Variants in ARHGEF26 observed in about 807,000 individuals in gnomAD.
The protein encoded by ARHGEF26 is Rho guanine nucleotide exchange factor (GEF) 26.
Under a neutral mutation model 89.4 loss-of-function variants are expected in ARHGEF26, and 59 were observed. The ratio of observed to expected loss-of-function variants is 0.66; its 90% CI spans 0.54 to 0.82. The LOEUF (loss-of-function observed/expected upper bound fraction) is 0.82, where lower values mean the gene tolerates loss of function less well. ARHGEF26 is among the 40% of genes least tolerant of loss of function. The pLI is 0.00. For synonymous variants in ARHGEF26, 500 were observed against 428.4 expected (o/e 1.17, Z -2.06); for missense variants, 1,234 against 1,085.6 (o/e 1.14, Z -1.92).
intron 9 of ARHGEF26, among the ~76,000 whole-genome samples, chr3:154,216,113 C>G (rs901298407): frequency 6.6e-6 from 1 of 151,918 alleles, no homozygotes; most frequent in African/African-American, 2.4e-5. Flanking sequence ...TTATTTACTT[C>G]TATATTATAG....
chr3:154,187,878 A>G (rs772383155), intron 7 of ARHGEF26, 41 bp downstream of exon 7: 3 of 1,543,690 alleles, frequency 1.9e-6, no homozygotes, highest in Middle Eastern at 1.7e-4. Flanking sequence ...CATCTAACCT[A>G]GTTTTAATTA....
At chr3:154,173,591 A>C (rs776888763) in intron 6 of ARHGEF26, among the ~76,000 whole-genome samples, 22 of 152,192 alleles carry the variant, frequency 1.4e-4, no homozygotes, top group Admixed American at 7.2e-4. Context: ...TTAATGTTTA[A>C]TGTTTTATAG....
chr3:154,135,717 A>G (rs1328587000), intron 4 of ARHGEF26, among the ~76,000 whole-genome samples: 1 of 152,212 alleles, frequency 6.6e-6, no homozygotes, highest in East Asian at 1.9e-4. Flanking sequence ...AACACTGTGT[A>G]CTTGTTACAG....
chr3:154,256,565 A>C lies in ARHGEF26; in HGVS notation c.*1092A>C, dbSNP rs1718518717. 1.4e-5 allele frequency: 14 copies of C among 999,772 alleles called. No homozygotes were observed. Among genetic ancestry groups the C allele is most frequent in the Admixed American group, 1.2e-4 (2 of 16,576 alleles). 61.9% of individuals were successfully genotyped at this position (999,772 alleles called of 1,614,324 possible). On this transcript the variant is annotated 3_prime_UTR_variant, in exon 15 of 15. Transcript: ENST00000465093. Reference sequence around the variant, plus strand: ...TAATTAATTAAAAAAAAAAAAAAAAAAAAAAAAAAACCTTCCCAAATGAGC... The same window carrying C: ...TAATTAATTAAAAAAAAAAAAAAAACAAAAAAAAAACCTTCCCAAATGAGC...
intron 11 of ARHGEF26, among the ~76,000 whole-genome samples, chr3:154,237,538 TCACACACACACACACACA>T (rs71152796): frequency 1.4e-5 from 2 of 143,202 alleles, no homozygotes; most frequent in Admixed American, 1.4e-4. Context: ...TGAGACTCCG[TCACACACACACACACACA>T]CACACACACA....
At chr3:154,198,382 TA>T (rs1714413308) in intron 9 of ARHGEF26, among the ~76,000 whole-genome samples, 3 of 152,328 alleles carry the variant, frequency 2.0e-5, no homozygotes, top group Admixed American at 2.0e-4. Flanking sequence ...ACTGGATATC[TA>T]CCCAAAAGAA....
chr3:154,152,699 C>A, intron 5 of ARHGEF26, 73 bp from the exon 6 acceptor site: 2 of 1,170,292 alleles, frequency 1.7e-6, no homozygotes, highest in South Asian at 2.8e-5. Flanking sequence ...ATTCTTACAG[C>A]AAAATTATGA....
At chr3:154,192,975 C>CT (rs1242195710) in intron 8 of ARHGEF26, among the ~76,000 whole-genome samples, 1 of 152,146 alleles carries the variant, frequency 6.6e-6, no homozygotes, top group Non-Finnish European at 1.5e-5. Context: ...ACTCTAAAAT[C>CT]TAACACATTA....
At chr3:154,242,628 G>A (rs1410882472) in intron 12 of ARHGEF26, among the ~76,000 whole-genome samples, 1 of 152,200 alleles carries the variant, frequency 6.6e-6, no homozygotes, top group African/African-American at 2.4e-5. Flanking sequence ...CAGTGGCAAA[G>A]TTTGAGACGA....
intron 6 of ARHGEF26, among the ~76,000 whole-genome samples, chr3:154,185,144 T>G (rs1395029706): frequency 6.6e-6 from 1 of 152,176 alleles, no homozygotes; most frequent in Non-Finnish European, 1.5e-5. Context: ...CTCACCATAC[T>G]TCTGACACCA....
In ARHGEF26 at chr3:154,218,057, A is replaced by C. The variant is rs1027576392; in HGVS notation, c.1935+99A>C. The stretch of plus-strand genomic sequence containing the variant: ...CAAAGTAGATAGGAAATTGCTTTTC[A>C]AAGAAGGGTCATAAATTGCTAAGAG... On this transcript the variant is annotated intron_variant, in intron 10 of 14. Transcript: ENST00000465093. 3.6e-6 allele frequency: 4 copies of C among 1,116,784 alleles called. No homozygotes were observed. The Admixed American group carries it at 6.5e-5, about 18-fold the overall frequency. 69.2% of individuals were successfully genotyped at this position (1,116,784 alleles called of 1,614,324 possible).
At chr3:154,219,807 G>A (rs961856251) in intron 10 of ARHGEF26, among the ~76,000 whole-genome samples, 7 of 152,022 alleles carry the variant, frequency 4.6e-5, no homozygotes, top group Admixed American at 6.5e-5. Flanking sequence ...CCAGCTACTC[G>A]GGAGGCTGAG....
chr3:154,178,942 T>G (rs1454054993), intron 6 of ARHGEF26, among the ~76,000 whole-genome samples: 1 of 152,208 alleles, frequency 6.6e-6, no homozygotes, highest in East Asian at 1.9e-4. Context: ...GAAACCCTAG[T>G]GGTTCTCTTG....
At chr3:154,205,232 A>G (rs907897885) in intron 9 of ARHGEF26, among the ~76,000 whole-genome samples, 1 of 152,060 alleles carries the variant, frequency 6.6e-6, no homozygotes, top group Non-Finnish European at 1.5e-5. Flanking sequence ...CTCTTGCTGA[A>G]TTGACCTCAT....
At chr3:154,144,025 G>A (rs1280142814) in intron 4 of ARHGEF26, among the ~76,000 whole-genome samples, 1 of 152,202 alleles carries the variant, frequency 6.6e-6, no homozygotes, top group East Asian at 1.9e-4. Context: ...TGGTAGAAAT[G>A]TCAGGATTGA....
intron 9 of ARHGEF26, among the ~76,000 whole-genome samples, chr3:154,213,895 G>T (rs1715561691): frequency 6.6e-6 from 1 of 152,172 alleles, no homozygotes; most frequent in African/African-American, 2.4e-5. Context: ...TGGGCGTTAG[G>T]TGCTATATTG....
intron 4 of ARHGEF26, among the ~76,000 whole-genome samples, chr3:154,133,301 G>A (rs575725605): frequency 1.3e-5 from 2 of 152,196 alleles, no homozygotes; most frequent in East Asian, 3.9e-4. Flanking sequence ...TTATGGTGTT[G>A]GGACAGGTTT....
chr3:154,207,057 G>C (rs1715061011), intron 9 of ARHGEF26, among the ~76,000 whole-genome samples: 1 of 152,084 alleles, frequency 6.6e-6, no homozygotes, highest in South Asian at 2.1e-4. Context: ...CTGGCTAACT[G>C]TATGCAGAAA....
At chr3:154,208,133 G>T (rs1386245934) in intron 9 of ARHGEF26, among the ~76,000 whole-genome samples, 2 of 152,144 alleles carry the variant, frequency 1.3e-5, no homozygotes. Flanking sequence ...AGGCAGAATA[G>T]CTAGTGGATT....
Sources: gnomAD v4.1 joint callset for allele counts (sites outside exome capture counted in the v4.1 genomes callset) on GRCh38, gnomAD v4.1.1 for gene constraint, MANE v1.5 for transcripts, NCBI Gene and HGNC (gene_info 2026-07-23, HGNC 2026-07-21) for gene names.